Variants in KNL1 observed in about 807,000 individuals in gnomAD.
KNL1 encodes kinetochore scaffold 1, also known as outer kinetochore KNL1 complex subunit KNL1.
Under a neutral mutation model 201.3 loss-of-function variants are expected in KNL1, and 66 were observed. That is an observed-to-expected ratio of 0.33 (90% CI 0.27 to 0.40). The LOEUF (loss-of-function observed/expected upper bound fraction) is 0.40, where lower values mean the gene tolerates loss of function less well. Ranked by LOEUF, KNL1 falls within the 10% of genes least tolerant of loss-of-function variation. The probability of loss-of-function intolerance (pLI) is 1.00; values close to 1 mark genes in which losing one functional copy is unlikely to be tolerated. For synonymous variants in KNL1, 895 were observed against 899.2 expected (o/e 1.00, Z 0.08); for missense variants, 2,815 against 2,690.5 (o/e 1.05, Z -1.02).
Position 40,657,346 on chromosome 15 carries a change from T to C in KNL1, c.6595-9T>C. 6.5e-7 allele frequency: 1 copy of C among 1,531,358 alleles called. No homozygotes were observed. Among genetic ancestry groups the C allele is most frequent in the Non-Finnish European group, 9.0e-7 (1 of 1,108,140 alleles). The allele number at this position is 1,531,358 out of a possible 1,614,324, so 94.9% of individuals were successfully genotyped here. ...AATTTCACTGGATTTTTTTTCCCAC[T>C]TTTTCTAGATGCTTGAAGAATTCTC... On this transcript the variant is annotated splice_polypyrimidine_tract_variant and intron_variant, in intron 23 of 25. Transcript: ENST00000399668.
Position 40,645,105 on chromosome 15 carries a change from T to A in KNL1, c.5889+18T>A. ...ACAAAGAGGTACTTTTGTCTCATTTTCTGAATGAGAATCAGTGAAGACATT... is the reference window on the plus strand; with the variant it reads ...ACAAAGAGGTACTTTTGTCTCATTTACTGAATGAGAATCAGTGAAGACATT... On this transcript the variant is annotated intron_variant, in intron 15 of 25. Coordinates refer to ENST00000399668, the MANE Select transcript of KNL1 (RefSeq NM_144508.5). 1 of 1,508,844 alleles carries A rather than the reference T, an allele frequency of 6.6e-7. No homozygotes were observed. Among genetic ancestry groups the A allele is most frequent in the Non-Finnish European group, 9.2e-7 (1 of 1,088,020 alleles). The allele number at this position is 1,508,844 out of a possible 1,614,324, so 93.5% of individuals were successfully genotyped here.
At chr15:40,616,237 C>A (rs949889511) in intron 8 of KNL1, among the ~76,000 whole-genome samples, 1 of 151,316 alleles carries the variant, frequency 6.6e-6, no homozygotes, top group Non-Finnish European at 1.5e-5. Flanking sequence ...AATTCTCTTG[C>A]CTCAGCCTCC....
At chr15:40,635,776 G>T (rs573781753) in intron 13 of KNL1, among the ~76,000 whole-genome samples, 3 of 152,206 alleles carry the variant, frequency 2.0e-5, no homozygotes, top group Non-Finnish European at 4.4e-5. Flanking sequence ...AGGTGCTATT[G>T]TAGAGGCCCA....
In KNL1 at chr15:40,624,920, A is replaced by G. The variant is rs1037627696; in HGVS notation, c.4656A>G (p.Pro1552=). ...ATCCTGTAATTACATCTAATGTTCC[A>G]TGTTTTCATAGTATCAAACCAAATC... is the stretch of plus-strand genomic sequence containing the variant. The part of the protein sequence containing the change: ...APDPVITSNV[P]CFHSIKPNLN... The change falls in exon 10 of 26, where the codon CCA becomes CCG. Residue 1552 remains proline, a synonymous_variant. Coordinates refer to ENST00000399668, the MANE Select transcript of KNL1 (RefSeq NM_144508.5). 1.9e-6 allele frequency: 3 copies of G among 1,613,432 alleles called. No homozygotes were observed. Among genetic ancestry groups the G allele is most frequent in the South Asian group, 2.2e-5 (2 of 91,070 alleles).
chr15:40,614,425 G>T (rs1481853337), intron 7 of KNL1, among the ~76,000 whole-genome samples: 1 of 151,980 alleles, frequency 6.6e-6, no homozygotes, highest in Non-Finnish European at 1.5e-5. Flanking sequence ...TAGAAGCGGT[G>T]TTTCACCATG....
chr15:40,634,021 A>T (rs551946697), intron 13 of KNL1, among the ~76,000 whole-genome samples: 2 of 152,206 alleles, frequency 1.3e-5, no homozygotes, highest in Non-Finnish European at 2.9e-5. Flanking sequence ...GGTGGAAGAC[A>T]GTGATATTAA....
chr15:40,631,932 C>T (rs1435159778), intron 13 of KNL1, among the ~76,000 whole-genome samples: 1 of 151,290 alleles, frequency 6.6e-6, no homozygotes, highest in Admixed American at 6.6e-5. Flanking sequence ...TCTCTTGAGC[C>T]CAGGGGTTCA....
intron 21 of KNL1, 71 bp from the exon 22 acceptor site, chr15:40,654,838 C>A: frequency 8.5e-7 from 1 of 1,183,264 alleles, no homozygotes. Flanking sequence ...CATTGCACTC[C>A]AGCCTGGGAG....
At chr15:40,636,408 T>C (rs1160745502) in intron 13 of KNL1, among the ~76,000 whole-genome samples, 1 of 152,234 alleles carries the variant, frequency 6.6e-6, no homozygotes. Flanking sequence ...CTTCACTTTA[T>C]GTGTTATGAA....
In KNL1 at chr15:40,621,066, A is replaced by G. The variant is rs1892507212; in HGVS notation, c.802A>G (p.Ser268Gly). The G allele has an allele frequency of 1.9e-6, 3 of 1,612,342 alleles. No homozygotes were observed. The highest frequency in any genetic ancestry group is 2.5e-6 in the Non-Finnish European group (3 of 1,179,294). The change falls in exon 10 of 26, where the codon AGT becomes GGT. Residue 268 changes from serine (S) to glycine (G), a missense_variant. By Grantham distance (56) the Ser-to-Gly change is moderately conservative. Coordinates refer to ENST00000399668, the MANE Select transcript of KNL1 (RefSeq NM_144508.5). ...HVSLKEDENN[S>G]NITRLFREKD... ...ATCTCTTAAGGAAGATGAAAATAACAGTAATATTACTAGGCTCTTTAGAGA... is the reference window on the plus strand; with the variant it reads ...ATCTCTTAAGGAAGATGAAAATAACGGTAATATTACTAGGCTCTTTAGAGA...
At chr15:40,652,854 A>G (rs971617784) in intron 21 of KNL1, among the ~76,000 whole-genome samples, 6 of 152,084 alleles carry the variant, frequency 3.9e-5, no homozygotes, top group African/African-American at 7.2e-5. Context: ...TAAAATCACT[A>G]TATAGGGTGG....
chr15:40,656,236 G>C (rs975898882), intron 22 of KNL1, among the ~76,000 whole-genome samples: 3 of 152,020 alleles, frequency 2.0e-5, no homozygotes, highest in Non-Finnish European at 4.4e-5. Flanking sequence ...TTCAAGACCA[G>C]CCTGGCCAAC....
intron 8 of KNL1, among the ~76,000 whole-genome samples, chr15:40,617,531 A>C (rs536136485): frequency 2.6e-5 from 4 of 152,300 alleles, no homozygotes; most frequent in Non-Finnish European, 5.9e-5. Flanking sequence ...CGTTATGAAT[A>C]GGTAACAAGC....
At position 40,657,435 on chromosome 15, in the gene KNL1, A is replaced by T. The variant is rs1419777112; in HGVS notation, c.6675A>T (p.Pro2225=). ...TTGAGTATTTAAAGAGATGGGGACC[A>T]AATTATAACCTAATGAACATAGATA... The part of the protein sequence containing the change: ...EEIEYLKRWG[P]NYNLMNIDIN... Residue 2225 remains proline (P), a synonymous_variant, in exon 24 of 26, where the codon CCA becomes CCT. Coordinates refer to ENST00000399668, the MANE Select transcript of KNL1 (RefSeq NM_144508.5). 2 of 1,578,290 alleles carry T rather than the reference A, an allele frequency of 1.3e-6. No homozygotes were observed. The highest frequency in any genetic ancestry group is 1.7e-6 in the Non-Finnish European group (2 of 1,147,476).
At position 40,640,893 on chromosome 15, in the gene KNL1, A is replaced by T. The variant is rs745734588; in HGVS notation, c.5683-19A>T. ...GTCTGCAAGATACCAGTTCTCAGGGACTGAATTTTTTTTTCCAGTTTACTG... is the reference window on the plus strand; with the variant it reads ...GTCTGCAAGATACCAGTTCTCAGGGTCTGAATTTTTTTTTCCAGTTTACTG... On this transcript the variant is annotated intron_variant, in intron 13 of 25. Coordinates refer to ENST00000399668, the MANE Select transcript of KNL1 (RefSeq NM_144508.5). 1 of 1,434,064 alleles carries T rather than the reference A, an allele frequency of 7.0e-7. No individual in the cohort carries two copies. Among genetic ancestry groups the T allele is most frequent in the Non-Finnish European group, 9.8e-7 (1 of 1,020,598 alleles). 88.8% of individuals were successfully genotyped at this position (1,434,064 alleles called of 1,614,324 possible).
intron 17 of KNL1, among the ~76,000 whole-genome samples, chr15:40,647,633 A>G (rs1302638055): frequency 6.6e-6 from 1 of 152,204 alleles, no homozygotes; most frequent in Non-Finnish European, 1.5e-5. Context: ...AAAACCGTCT[A>G]TCCTTTCAGT....
At position 40,624,164 on chromosome 15, in the gene KNL1, T is replaced by C; in HGVS notation, c.3900T>C (p.Asp1300=). The change falls in exon 10 of 26, where the codon GAT becomes GAC. Residue 1300 remains aspartate, a synonymous_variant. Coordinates refer to ENST00000399668, the MANE Select transcript of KNL1 (RefSeq NM_144508.5). The stretch of plus-strand genomic sequence containing the variant: ...CAACTGCTGTTTGTGGATCCAGTGA[T>C]AATTATTCCTGTTTACCAAATGTTA... The part of the protein sequence containing the change: ...SHATAVCGSS[D]NYSCLPNVIS... 1 of 1,613,998 alleles carries C rather than the reference T, an allele frequency of 6.2e-7. No homozygotes were observed. Among genetic ancestry groups the C allele is most frequent in the Non-Finnish European group, 8.5e-7 (1 of 1,179,926 alleles).
At position 40,608,848 on chromosome 15, in the gene KNL1, A is replaced by T; in HGVS notation, c.137A>T (p.Glu46Val). ...DLRGGNERVQ[E>V]SNALRNKKNS... ...ATACCATATATTCTCTGCCCTTAGG[A>T]ATCCAATGCTTTGAGAAATAAGAAA... Residue 46 changes from glutamate to valine, a missense_variant and splice_region_variant, in exon 5 of 26, where the codon GAA (glutamate) becomes GTA (valine). Transcript: ENST00000399668. 1 of 1,604,794 alleles carries T rather than the reference A, an allele frequency of 6.2e-7. No homozygotes were observed. Among genetic ancestry groups the T allele is most frequent in the Non-Finnish European group, 8.5e-7 (1 of 1,172,090 alleles).
intron 17 of KNL1, among the ~76,000 whole-genome samples, chr15:40,648,062 G>A (rs1160035848): frequency 6.6e-6 from 1 of 152,010 alleles, no homozygotes; most frequent in Non-Finnish European, 1.5e-5. Flanking sequence ...ACTGTGCTTA[G>A]TATCAGAAAA....
Sources: allele counts gnomAD v4.1 joint callset (sites outside exome capture counted in the v4.1 genomes callset), GRCh38; gene constraint gnomAD v4.1.1; transcripts MANE v1.5; gene names NCBI Gene and HGNC (gene_info 2026-07-23, HGNC 2026-07-21).